Variants in PCDHGA1 observed in about 807,000 individuals in gnomAD.
PCDHGA1 encodes the protein protocadherin gamma subfamily A, 1.
PCDHGA1 carries 32 observed loss-of-function variants against 58.0 expected under a neutral mutation model. The ratio of observed to expected loss-of-function variants is 0.55; its 90% confidence interval spans 0.42 to 0.74. The LOEUF (loss-of-function observed/expected upper bound fraction) is 0.74, where lower values mean the gene tolerates loss of function less well. Among genes scored for constraint, PCDHGA1 ranks in the 30% least tolerant of loss-of-function variants. PCDHGA1 has a pLI of 0.00. For missense variants in PCDHGA1, 1,205 were observed against 1,182.3 expected, an observed-to-expected ratio of 1.02 and a Z score of -0.28; for synonymous variants, 498 against 501.1, an observed-to-expected ratio of 0.99 and a Z score of 0.08.
chr5:141,392,882 G>A (rs1394691115), intron 1 of PCDHGA1: 2 of 1,613,502 alleles, frequency 1.2e-6, no homozygotes, highest in Non-Finnish European at 1.7e-6. Flanking sequence ...TGGGAACGCT[G>A]TGGGAAATCG....
chr5:141,410,844 TTTGTC>T, intron 1 of PCDHGA1: 1 of 422,400 alleles, frequency 2.4e-6, no homozygotes, highest in Non-Finnish European at 3.9e-6. Context: ...ATATTTTGTC[TTTGTC>T]TTTTTTTTTT....
intron 1 of PCDHGA1, among the ~76,000 whole-genome samples, chr5:141,337,414 C>T (rs569005950): frequency 6.6e-6 from 1 of 152,276 alleles, no homozygotes; most frequent in African/African-American, 2.4e-5. Context: ...AAGTGGTTCA[C>T]ACATACAATG....
At chr5:141,365,144 G>A (rs1763761233) in intron 1 of PCDHGA1, 1 of 1,613,746 alleles carries the variant, frequency 6.2e-7, no homozygotes, top group African/African-American at 1.3e-5. Context: ...TCCAGATGAG[G>A]GAATAAACGG....
At position 141,389,882 on chromosome 5, in the gene PCDHGA1, G is replaced by T. The variant is rs761230157; in HGVS notation, c.2421+56777G>T. On this transcript the variant is annotated intron_variant, in intron 1 of 3. Transcript: ENST00000517417. ...TGCACCTGGTCTTCGCCGACAGCTT[G>T]CAGGAGGTGCTGCCGGATATCACTG... 1.1e-5 allele frequency: 18 copies of T among 1,614,082 alleles called. No homozygotes were observed. The South Asian group carries it at 1.9e-4, about 17-fold the overall frequency.
chr5:141,393,387 C>T lies in PCDHGA1; in HGVS notation c.2421+60282C>T, dbSNP rs772072669. The stretch of plus-strand genomic sequence containing the variant: ...GACTGGAGACAATGGAGCCATAAAC[C>T]CAGAGCTGGTGCTGGAGCGCGCCCT... On this transcript the variant is annotated intron_variant, in intron 1 of 3. Coordinates refer to ENST00000517417, the MANE Select transcript of PCDHGA1 (RefSeq NM_018912.3). The T allele has an allele frequency of 3.7e-6, 6 of 1,613,972 alleles. No homozygotes were observed. The East Asian group carries it at 1.3e-4, about 36-fold the overall frequency.
Position 141,375,204 on chromosome 5 carries a change from G to A in PCDHGA1, c.2421+42099G>A, listed in dbSNP as rs368044815. 218 of 1,613,850 alleles carry A rather than the reference G, an allele frequency of 1.4e-4. No individual in the cohort carries two copies. The highest frequency in any genetic ancestry group is 1.7e-4 in the Non-Finnish European group (204 of 1,179,898). ...ATCGCCCTTTTTCAAGTGTTCGATC[G>A]AGACTCTGGCCTGAATGGCCTGGTA... On this transcript the variant is annotated intron_variant, in intron 1 of 3. Coordinates refer to ENST00000517417, the MANE Select transcript of PCDHGA1 (RefSeq NM_018912.3).
chr5:141,447,824 G>T (rs926580893), intron 1 of PCDHGA1, among the ~76,000 whole-genome samples: 2 of 152,034 alleles, frequency 1.3e-5, no homozygotes, highest in Non-Finnish European at 2.9e-5. Context: ...GGTGGCTCAC[G>T]CCTGTAATCC....
At chr5:141,422,758 A>C (rs1237677806) in intron 1 of PCDHGA1, 3 of 1,613,032 alleles carry the variant, frequency 1.9e-6, no homozygotes, top group Non-Finnish European at 2.5e-6. Flanking sequence ...TATTAACTCC[A>C]ACACTGGTGT....
intron 1 of PCDHGA1, chr5:141,418,211 C>T (rs752988020): frequency 1.2e-6 from 2 of 1,613,916 alleles, no homozygotes; most frequent in East Asian, 4.5e-5. Context: ...AAATATTTTT[C>T]ATGTCATTGT....
intron 1 of PCDHGA1, chr5:141,478,167 G>A: frequency 6.2e-7 from 1 of 1,613,772 alleles, no homozygotes; most frequent in Non-Finnish European, 8.5e-7. Context: ...TCTGCCCCCC[G>A]GGAGCAGAAA....
rs747588958 is a variant in PCDHGA1 at position 141,370,424 on chromosome 5, A to C, written c.2421+37319A>C. 5 of 1,587,984 alleles carry C rather than the reference A, an allele frequency of 3.1e-6. No individual in the cohort carries two copies. The South Asian group carries it at 4.6e-5, about 15-fold the overall frequency. The stretch of plus-strand genomic sequence containing the variant: ...GAAATAGCTCCGGATGGAGGGGCCC[A>C]GCAGGGCAGAGGCGAATGCTATTTC... On this transcript the variant is annotated intron_variant, in intron 1 of 3. Transcript: ENST00000517417.
At position 141,489,335 on chromosome 5, in the gene PCDHGA1, G is replaced by C. The variant is rs138015049; in HGVS notation, c.2422-5472G>C. 1.4e-5 allele frequency: 22 copies of C among 1,607,364 alleles called. No individual in the cohort carries two copies. Among genetic ancestry groups the C allele is most frequent in the Non-Finnish European group, 1.9e-5 (22 of 1,175,842 alleles). The stretch of plus-strand genomic sequence containing the variant: ...TGGGGCTGGGTGTCTGGGCAGCTTC[G>C]TTACTCAGTGGTGGAGGAGTCTGAG... On this transcript the variant is annotated intron_variant, in intron 1 of 3. Transcript: ENST00000517417. This position sits in a 1 kb window ranked among gnomAD's most constrained non-coding sequence, Gnocchi z 4.5.
rs1281778338 is a variant in PCDHGA1, at chr5:141,512,281, G to A, written c.*1108G>A. ...TGGGTACTCCAGAGGTGCCACTGGTGGAAGGGTCAGCGGAGCCCCAGCAGG... is the reference window on the plus strand; with the variant it reads ...TGGGTACTCCAGAGGTGCCACTGGTAGAAGGGTCAGCGGAGCCCCAGCAGG... On this transcript the variant is annotated 3_prime_UTR_variant, in exon 4 of 4. Transcript: ENST00000517417. 6.5e-6 allele frequency: 1 copy of A among 152,810 alleles called. No homozygotes were observed. Among genetic ancestry groups the A allele is most frequent in the Non-Finnish European group, 1.5e-5 (1 of 68,178 alleles). The allele number at this position is 152,810 out of a possible 1,614,324, so 9.5% of individuals were successfully genotyped here.
At chr5:141,355,426 G>T (rs368097715) in intron 1 of PCDHGA1, 11 of 1,614,068 alleles carry the variant, frequency 6.8e-6, no homozygotes, top group Non-Finnish European at 9.3e-6. Flanking sequence ...GCAGCTTTTC[G>T]CCCTGAACCC....
intron 1 of PCDHGA1, chr5:141,417,389 A>C (rs578088616): frequency 2.5e-4 from 39 of 154,566 alleles, no homozygotes; most frequent in Admixed American, 4.5e-4. Flanking sequence ...ATTTTGAAGA[A>C]AAAATATTCA....
chr5:141,478,878 T>C (rs946127535), intron 1 of PCDHGA1: 8 of 1,250,076 alleles, frequency 6.4e-6, no homozygotes, highest in Non-Finnish European at 8.6e-6. Context: ...GAGTTTAGCT[T>C]GGTATCATTT....
intron 1 of PCDHGA1, among the ~76,000 whole-genome samples, chr5:141,448,617 T>C (rs1318664360): frequency 2.0e-5 from 3 of 152,150 alleles, no homozygotes; most frequent in Non-Finnish European, 2.9e-5. Flanking sequence ...ACTTTATATC[T>C]TCCTTTCTTC....
intron 1 of PCDHGA1, chr5:141,395,513 C>T: frequency 2.4e-6 from 1 of 420,938 alleles, no homozygotes; most frequent in South Asian, 3.5e-5. Context: ...GAAGTAGCTA[C>T]CCGTCCATAC....
At chr5:141,333,219 C>A (rs1432730882) in intron 1 of PCDHGA1, 114 bp downstream of exon 1, 24 of 1,471,042 alleles carry the variant, frequency 1.6e-5, no homozygotes, top group Non-Finnish European at 2.1e-5. Flanking sequence ...ATCTTTGTAG[C>A]TTTTTATTAC....
Sources: allele counts gnomAD v4.1 joint callset (sites outside exome capture counted in the v4.1 genomes callset), GRCh38; gene constraint gnomAD v4.1.1; non-coding constraint Gnocchi (gnomAD v3.1); transcripts MANE v1.5; gene names NCBI Gene and HGNC (gene_info 2026-07-23, HGNC 2026-07-21).